PNP: variants seen among roughly 807,000 people sequenced by gnomAD.
PNP encodes the protein HEL-S-156an.
Under a neutral mutation model 26.8 loss-of-function variants are expected in PNP, and 18 were observed. The observed-to-expected ratio is 0.67, with a 90% confidence interval of 0.46 to 1.00. The LOEUF is 1.00. Among genes scored for constraint, PNP ranks in the 50% least tolerant of loss-of-function variants. PNP has a pLI of 0.00. For missense variants in PNP, 320 were observed against 362.9 expected, an observed-to-expected ratio of 0.88 and a Z score of 0.96; for synonymous variants, 116 against 124.8, an observed-to-expected ratio of 0.93 and a Z score of 0.47.
chr14:20,472,302 C>T lies in PNP; in HGVS notation c.12-6C>T, dbSNP rs768806207. ...AGAATTCACCTTGATATTTTTTCTC[C>T]CCCAGATACACCTATGAAGATTATA... On this transcript the variant is annotated splice_region_variant and splice_polypyrimidine_tract_variant and intron_variant, in intron 1 of 5. Transcript: ENST00000361505. The T allele has an allele frequency of 1.2e-6, 2 of 1,612,536 alleles. No homozygotes were observed. Among genetic ancestry groups the T allele is most frequent in the Admixed American group, 1.7e-5 (1 of 60,002 alleles).
Position 20,474,458 on chromosome 14 carries a change from T to C in PNP, c.182-14T>C. On this transcript the variant is annotated splice_polypyrimidine_tract_variant and intron_variant, in intron 2 of 5. Transcript: ENST00000361505. The stretch of plus-strand genomic sequence containing the variant: ...ATATAATCCCATTCATTTCTCTTTC[T>C]GTTTTGTATACAGTGCCAGGTCATG... 6.2e-7 allele frequency: 1 copy of C among 1,608,588 alleles called. No homozygotes were observed. Among genetic ancestry groups the C allele is most frequent in the Non-Finnish European group, 8.5e-7 (1 of 1,174,886 alleles).
intron 3 of PNP, 56 bp from the exon 4 acceptor site, chr14:20,474,717 A>T: frequency 6.3e-7 from 1 of 1,587,738 alleles, no homozygotes; most frequent in South Asian, 1.1e-5. Flanking sequence ...CATGCATTTC[A>T]GTGTAGCTGA....
At chr14:20,472,217 A>G in intron 1 of PNP, 91 bp from the exon 2 acceptor site, 1 of 1,085,402 alleles carries the variant, frequency 9.2e-7, no homozygotes, top group Non-Finnish European at 1.4e-6. Flanking sequence ...CTGCCTCAGT[A>G]TACCTGCCAG....
At position 20,474,569 on chromosome 14, in the gene PNP, C is replaced by T. The variant is rs761092577; in HGVS notation, c.279C>T (p.Leu93=). The change falls in exon 3 of 6, where the codon CTC becomes CTT. Residue 93 remains leucine (L), a synonymous_variant. Transcript: ENST00000361505. ...TCCACATGTATGAAGGGTACCCACT[C>T]TGGAAGGTAAGTCAGAGGGATAGGT... is the stretch of plus-strand genomic sequence containing the variant. The part of the protein sequence containing the change: ...GRFHMYEGYP[L]WKVTFPVRVF... 107 of 1,613,640 alleles carry T rather than the reference C, an allele frequency of 6.6e-5. No individual in the cohort carries two copies. Among genetic ancestry groups the T allele is most frequent in the Non-Finnish European group, 1.7e-6 (2 of 1,179,650 alleles).
At position 20,475,094 on chromosome 14, in the gene PNP, C is replaced by T; in HGVS notation, c.494C>T (p.Ala165Val). 6.2e-7 allele frequency: 1 copy of T among 1,614,156 alleles called. No individual in the cohort carries two copies. The highest frequency in any genetic ancestry group is 8.5e-7 in the Non-Finnish European group (1 of 1,180,032). The change falls in exon 5 of 6, where the codon GCC (alanine) becomes GTC (valine). Residue 165 changes from alanine (A) to valine (V), a missense_variant. Transcript: ENST00000361505. ...GATCGTTTCCCTGCCATGTCTGATG[C>T]CTACGACCGGACTATGAGGCAGAGG... ...FGDRFPAMSD[A>V]YDRTMRQRAL... is the part of the protein sequence containing the mutation.
chr14:20,469,798 C>G (rs951939779), intron 1 of PNP: 10 of 604,876 alleles, frequency 1.7e-5, no homozygotes, highest in Non-Finnish European at 3.0e-5. Context: ...TAAGCTACTC[C>G]GTAAAAGCAG....
chr14:20,476,419 C>A lies in PNP; in HGVS notation c.688C>A (p.His230Asn), dbSNP rs1882113667. ...STVPEVIVAR[H>N]CGLRVFGFSL... is the part of the protein sequence containing the mutation. The stretch of plus-strand genomic sequence containing the variant: ...AGTACCAGAAGTTATCGTTGCACGG[C>A]ACTGTGGACTTCGAGTCTTTGGCTT... Residue 230 changes from histidine to asparagine, a missense_variant, in exon 6 of 6, where the codon CAC becomes AAC. Coordinates refer to ENST00000361505, the MANE Select transcript of PNP (RefSeq NM_000270.4). 6.2e-7 allele frequency: 1 copy of A among 1,614,148 alleles called. No homozygotes were observed.
chr14:20,472,242 A>G (rs1215224686), intron 1 of PNP, 66 bp from the exon 2 acceptor site: 3 of 1,420,980 alleles, frequency 2.1e-6, no homozygotes, highest in Admixed American at 1.7e-5. Flanking sequence ...TTTGCACCGA[A>G]GGTCATTTGT....
chr14:20,473,610 G>A (rs1165800101), intron 2 of PNP: 1 of 152,212 alleles, frequency 6.6e-6, no homozygotes, highest in African/African-American at 2.4e-5. Flanking sequence ...CTGTCACCCA[G>A]GCTCGAGTGT....
At position 20,475,248 on chromosome 14, in the gene PNP, T is replaced by G. The variant is rs749169241; in HGVS notation, c.648T>G (p.Ala216=). ...CRVLQKLGAD[A]VGMSTVPEVI... is the part of the protein sequence containing the mutation. ...TGCTGCAGAAGCTGGGAGCAGACGC[T>G]GTTGGTGAGAAGGGGAATTTGGCTG... Residue 216 remains alanine, a synonymous_variant, in exon 5 of 6, where the codon GCT becomes GCG. Coordinates refer to ENST00000361505, the MANE Select transcript of PNP (RefSeq NM_000270.4). 8.1e-6 allele frequency: 13 copies of G among 1,610,988 alleles called. No individual in the cohort carries two copies. Among genetic ancestry groups the G allele is most frequent in the Non-Finnish European group, 1.1e-5 (13 of 1,177,662 alleles).
chr14:20,469,671 C>A, intron 1 of PNP, 136 bp downstream of exon 1: 1 of 1,203,448 alleles, frequency 8.3e-7, no homozygotes, highest in Non-Finnish European at 1.2e-6. Context: ...TGGCACTGAG[C>A]CTAGTGTCGG....
chr14:20,469,686 A>T, intron 1 of PNP, 151 bp downstream of exon 1: 1 of 1,088,134 alleles, frequency 9.2e-7, no homozygotes, highest in Non-Finnish European at 1.4e-6. Flanking sequence ...TGTCGGGAGC[A>T]AGGCGGCAGA....
chr14:20,474,848 A>G lies in PNP; in HGVS notation c.361A>G (p.Asn121Asp). The G allele has an allele frequency of 6.2e-7, 1 of 1,614,198 alleles. No homozygotes were observed. Among genetic ancestry groups the G allele is most frequent in the Non-Finnish European group, 8.5e-7 (1 of 1,180,030 alleles). ...LVVTNAAGGLNPKFEVGDIML... is the reference protein window; with the variant it reads ...LVVTNAAGGLDPKFEVGDIML... ...AGTCACCAATGCAGCAGGAGGGCTG[A>G]ACCCCAAGTTTGAGGTTGGAGATAT... The change falls in exon 4 of 6, where the codon AAC becomes GAC. Residue 121 changes from asparagine (N) to aspartate (D), a missense_variant. Transcript: ENST00000361505.
intron 2 of PNP, 42 bp from the exon 3 acceptor site, chr14:20,474,430 A>T: frequency 6.5e-7 from 1 of 1,538,338 alleles, no homozygotes; most frequent in Non-Finnish European, 9.0e-7. Context: ...GTGTTGCATG[A>T]AAATATAATC....
At chr14:20,473,861 G>T (rs1394741147) in intron 2 of PNP, 1 of 153,130 alleles carries the variant, frequency 6.5e-6, no homozygotes, top group Non-Finnish European at 1.5e-5. Context: ...ACCGCACCTG[G>T]CCTATTTTTA....
At chr14:20,469,635 G>A (rs1284317474) in intron 1 of PNP, 100 bp downstream of exon 1, 15 of 1,459,722 alleles carry the variant, frequency 1.0e-5, no homozygotes, top group African/African-American at 1.4e-5. Flanking sequence ...CGGAGGGAGC[G>A]AGCGCCCAGG....
chr14:20,469,482 G>T lies in PNP; in HGVS notation c.-43G>T. 1 of 1,550,132 alleles carries T rather than the reference G, an allele frequency of 6.5e-7. No individual in the cohort carries two copies. ...GATCCGATCGGATCGGAGCGGATCG[G>T]AGCACACCGGAGCAGGCTCATCGAG... On this transcript the variant is annotated 5_prime_UTR_variant, in exon 1 of 6. Coordinates refer to ENST00000361505, the MANE Select transcript of PNP (RefSeq NM_000270.4).
intron 2 of PNP, chr14:20,473,322 C>G (rs199610134): frequency 6.6e-6 from 1 of 152,114 alleles, no homozygotes; most frequent in African/African-American, 2.4e-5. Context: ...TGCACTCCCA[C>G]GCACCCCTCC....
At chr14:20,470,363 C>A (rs1881962461) in intron 1 of PNP, among the ~76,000 whole-genome samples, 1 of 152,236 alleles carries the variant, frequency 6.6e-6, no homozygotes, top group African/African-American at 2.4e-5. Context: ...ATTTGATTAA[C>A]ATTTTACCAG....
Sources: gnomAD v4.1 joint callset for allele counts (sites outside exome capture counted in the v4.1 genomes callset) on GRCh38, gnomAD v4.1.1 for gene constraint, MANE v1.5 for transcripts, NCBI Gene and HGNC (gene_info 2026-07-23, HGNC 2026-07-21) for gene names.